EVC2: variants seen among roughly 807,000 people sequenced by gnomAD.
EVC2 encodes the protein EvC ciliary complex subunit 2, also known as limbin.
Under a neutral mutation model 149.3 loss-of-function variants are expected in EVC2, and 148 were observed. That is an observed-to-expected ratio of 0.99 (90% CI 0.87 to 1.14). The LOEUF (loss-of-function observed/expected upper bound fraction) is 1.14, where lower values mean the gene tolerates loss of function less well. Ranked by LOEUF, EVC2 falls within the 50% of genes most tolerant of loss-of-function variation. The pLI is 0.00. For synonymous variants in EVC2, 776 were observed against 649.9 expected, an observed-to-expected ratio of 1.19 and a Z score of -2.95; for missense variants, 1,854 against 1,627.3, an observed-to-expected ratio of 1.14 and a Z score of -2.40.
At chr4:5,616,932 C>T (rs1715301825) in intron 15 of EVC2, among the ~76,000 whole-genome samples, 1 of 152,216 alleles carries the variant, frequency 6.6e-6, no homozygotes, top group Non-Finnish European at 1.5e-5. Flanking sequence ...AGCTTCAAGG[C>T]AGGGGAACCA....
intron 13 of EVC2, 77 bp from the exon 14 acceptor site, chr4:5,623,068 A>G: frequency 7.5e-7 from 1 of 1,339,338 alleles, no homozygotes; most frequent in Non-Finnish European, 1.0e-6. Flanking sequence ...ACTTTGTTGC[A>G]GGAAGCACAG....
chr4:5,530,340 C>T, the EVC2 span, among the ~76,000 whole-genome samples: 1 of 152,164 alleles, frequency 6.6e-6, no homozygotes, highest in African/African-American at 2.4e-5. Context: ...AGGAGGATCC[C>T]ATGAACCTTT....
At chr4:5,596,500 A>C (rs935472642) in intron 16 of EVC2, among the ~76,000 whole-genome samples, 4 of 152,216 alleles carry the variant, frequency 2.6e-5, no homozygotes, top group Non-Finnish European at 4.4e-5. Flanking sequence ...AGGCAGAAAT[A>C]AAGATGTTCT....
chr4:5,573,675 AGCT>A (rs1722760482), intron 19 of EVC2, among the ~76,000 whole-genome samples: 1 of 152,214 alleles, frequency 6.6e-6, no homozygotes, highest in Non-Finnish European at 1.5e-5. Flanking sequence ...AGCTGTGATA[AGCT>A]GCTGTTTGTG....
Position 5,596,048 on chromosome 4 carries a change from G to A in EVC2, c.2830-11198C>T, listed in dbSNP as rs528102040. Among the ~76,000 whole-genome samples, 14 of 152,236 alleles carry A rather than the reference G, an allele frequency of 9.2e-5. No homozygotes were observed. The South Asian group carries it at 1.0e-3, about 11-fold the overall frequency. ...CCTAAATATATATGCACCCAATACTGGAGCACCCAGATTCATAAAGCAAGT... is the reference window on the plus strand; with the variant it reads ...CCTAAATATATATGCACCCAATACTAGAGCACCCAGATTCATAAAGCAAGT... On this transcript the variant is annotated intron_variant, in intron 16 of 21. Coordinates refer to ENST00000344408, the MANE Select transcript of EVC2 (RefSeq NM_147127.5).
intron 7 of EVC2, among the ~76,000 whole-genome samples, chr4:5,675,763 G>A (rs939797446): frequency 6.6e-6 from 1 of 152,040 alleles, no homozygotes; most frequent in African/African-American, 2.4e-5. Context: ...TGACCAACAT[G>A]GTGAAACTCC....
chr4:5,622,540 A>C lies in EVC2; in HGVS notation c.2498T>G (p.Phe833Cys). ...TACGACCCGCAAAGGCACTCACATG[A>C]AGATCAGGTGCTCCCAGCGTCGCAG... ...AELRRWEHLI[F>C]MKLCSSVFSL... The change falls in exon 14 of 22, where the codon TTC becomes TGC. Residue 833 changes from phenylalanine (F) to cysteine (C), a missense_variant. Coordinates refer to ENST00000344408, the MANE Select transcript of EVC2 (RefSeq NM_147127.5). The surrounding 1 kb of genome is among the most constrained non-coding windows in gnomAD (Gnocchi z 5.8). 1 of 1,613,634 alleles carries C rather than the reference A, an allele frequency of 6.2e-7. No individual in the cohort carries two copies. The highest frequency in any genetic ancestry group is 1.1e-5 in the South Asian group (1 of 90,930).
intron 10 of EVC2, among the ~76,000 whole-genome samples, chr4:5,634,244 T>C (rs959853350): frequency 2.6e-5 from 4 of 152,216 alleles, no homozygotes; most frequent in Non-Finnish European, 5.9e-5. Flanking sequence ...AGTCACTCTA[T>C]TACAGAGAAA....
chr4:5,617,851 G>A (rs1455133235), intron 15 of EVC2, among the ~76,000 whole-genome samples: 1 of 152,176 alleles, frequency 6.6e-6, no homozygotes, highest in Non-Finnish European at 1.5e-5. Flanking sequence ...TCAACCTGTT[G>A]GGGAACAAGG....
intron 9 of EVC2, among the ~76,000 whole-genome samples, chr4:5,643,215 A>G (rs1398651641): frequency 6.6e-6 from 1 of 152,196 alleles, no homozygotes; most frequent in African/African-American, 2.4e-5. Context: ...CTGAGCTTCA[A>G]CCTGTTTCTT....
intron 16 of EVC2, among the ~76,000 whole-genome samples, chr4:5,601,908 C>T (rs1397252929): frequency 6.6e-6 from 1 of 152,072 alleles, no homozygotes; most frequent in Non-Finnish European, 1.5e-5. Context: ...GAGATGTACC[C>T]TGAAAGATGG....
chr4:5,691,270 C>T lies in EVC2; in HGVS notation c.514G>A (p.Ala172Thr), dbSNP rs1216554159. The T allele has an allele frequency of 1.9e-6, 3 of 1,613,226 alleles. No individual in the cohort carries two copies. The African/African-American group carries it at 4.0e-5, about 22-fold the overall frequency. The change falls in exon 4 of 22, where the codon GCA becomes ACA. Residue 172 changes from alanine (A) to threonine (T), a missense_variant. Physicochemically the swap from Ala to Thr is moderately conservative, Grantham distance 58. Coordinates refer to ENST00000344408, the MANE Select transcript of EVC2 (RefSeq NM_147127.5). ...CACCACCAGTGGAAACTTACCAGTGCACATTTCTGAAAAATTACTCCATTT... is the reference window on the plus strand; with the variant it reads ...CACCACCAGTGGAAACTTACCAGTGTACATTTCTGAAAAATTACTCCATTT... Reference protein sequence around the residue: ...SENGVIFQKCALVSGSSEAQT... With the variant: ...SENGVIFQKCTLVSGSSEAQT...
intron 9 of EVC2, among the ~76,000 whole-genome samples, chr4:5,647,631 G>T (rs1359129795): frequency 6.6e-6 from 1 of 152,198 alleles, no homozygotes; most frequent in Non-Finnish European, 1.5e-5. Flanking sequence ...TACAAGCTCA[G>T]AAAACAAAAT....
chr4:5,615,299 G>A, intron 16 of EVC2, 123 bp downstream of exon 16: 1 of 1,497,170 alleles, frequency 6.7e-7, no homozygotes, highest in South Asian at 1.2e-5. Flanking sequence ...CTGAGTGAGT[G>A]AGCGGTTGGG....
At position 5,681,413 on chromosome 4, in the gene EVC2, A is replaced by C. The variant is rs905373259; in HGVS notation, c.817-100T>G. The C allele has an allele frequency of 8.2e-6, 10 of 1,220,398 alleles. No individual in the cohort carries two copies. The African/African-American group carries it at 1.5e-4, about 18-fold the overall frequency. 75.6% of individuals were successfully genotyped at this position (1,220,398 alleles called of 1,614,324 possible). A position where few individuals can be genotyped will look rare whatever the true frequency, so the allele number is the denominator to read the frequency against. ...TCCAACCCTCCAAGCCTGGAGCTAC[A>C]ATCAGCCCTAACTGCTGCACAGGTC... On this transcript the variant is annotated intron_variant, in intron 6 of 21. Coordinates refer to ENST00000344408, the MANE Select transcript of EVC2 (RefSeq NM_147127.5).
At chr4:5,688,622 G>A (rs1720884241) in intron 5 of EVC2, among the ~76,000 whole-genome samples, 1 of 152,282 alleles carries the variant, frequency 6.6e-6, no homozygotes, top group African/African-American at 2.4e-5. Flanking sequence ...GCCAACCAGT[G>A]AGGGTGGCAG....
chr4:5,629,637 A>G (rs1267295020), intron 11 of EVC2, among the ~76,000 whole-genome samples: 3 of 152,258 alleles, frequency 2.0e-5, no homozygotes, highest in Admixed American at 6.5e-5. Flanking sequence ...CCCTTCCCAC[A>G]TAAGAGCTGT....
downstream of EVC2, among the ~76,000 whole-genome samples, chr4:5,557,453 C>T (rs1721858393): frequency 6.6e-6 from 1 of 152,114 alleles, no homozygotes; most frequent in Non-Finnish European, 1.5e-5. Flanking sequence ...TAATCTCATA[C>T]TTAAATAATG....
chr4:5,613,879 C>T lies in EVC2; in HGVS notation c.2829+1543G>A, dbSNP rs969646101. Among the ~76,000 whole-genome samples, 2 of 152,146 alleles carry T rather than the reference C, an allele frequency of 1.3e-5. No individual in the cohort carries two copies. Among genetic ancestry groups the T allele is most frequent in the African/African-American group, 4.8e-5 (2 of 41,432 alleles). ...TAAGACATCAACAACCTGGACACAC[C>T]TGATGGGAGACACTGAGCCCAGAGC... is the stretch of plus-strand genomic sequence containing the variant. On this transcript the variant is annotated intron_variant, in intron 16 of 21. Coordinates refer to ENST00000344408, the MANE Select transcript of EVC2 (RefSeq NM_147127.5). The surrounding 1 kb of genome is among the most constrained non-coding windows in gnomAD (Gnocchi z 4.6).
Sources: gnomAD v4.1 joint callset for allele counts (sites outside exome capture counted in the v4.1 genomes callset) on GRCh38, gnomAD v4.1.1 for gene constraint, Gnocchi (gnomAD v3.1) non-coding constraint, MANE v1.5 for transcripts, NCBI Gene and HGNC (gene_info 2026-07-23, HGNC 2026-07-21) for gene names.